CFAP210: variants seen among roughly 807,000 people sequenced by gnomAD.
The protein encoded by CFAP210 is cilia and flagella associated protein 210.
the CFAP210 span, chr2:169,675,172 G>A: frequency 1.4e-6 from 1 of 708,968 alleles, no homozygotes; most frequent in Non-Finnish European, 2.1e-6. Flanking sequence ...TAAATAAAAT[G>A]AGGCTACACT....
the CFAP210 span, among the ~76,000 whole-genome samples, chr2:169,667,207 C>T: frequency 2.0e-5 from 3 of 150,080 alleles, no homozygotes; most frequent in East Asian, 2.0e-4. Flanking sequence ...GGCGCAATCT[C>T]GGCTCACTGC....
At chr2:169,694,377 C>T in the CFAP210 span, 2 of 1,581,692 alleles carry the variant, frequency 1.3e-6, no homozygotes, top group Admixed American at 3.4e-5. Context: ...GCCGCGGACG[C>T]CAGCCGGTGG....
the CFAP210 span, among the ~76,000 whole-genome samples, chr2:169,664,918 A>G: frequency 6.6e-6 from 1 of 152,250 alleles, no homozygotes; most frequent in Non-Finnish European, 1.5e-5. Context: ...TGTAAAAGCA[A>G]GAAAGACCAC....
chr2:169,693,929 C>G, the CFAP210 span, among the ~76,000 whole-genome samples: 1 of 151,872 alleles, frequency 6.6e-6, no homozygotes, highest in Non-Finnish European at 1.5e-5. Context: ...GGAAATTTAA[C>G]AAAACCCAGA....
the CFAP210 span, chr2:169,648,108 AGT>A: frequency 6.1e-6 from 1 of 163,922 alleles, no homozygotes; most frequent in African/African-American, 2.6e-5. Context: ...CTGAGCCGAG[AGT>A]GGGTATCATG....
At chr2:169,670,551 C>G in the CFAP210 span, among the ~76,000 whole-genome samples, 3 of 152,188 alleles carry the variant, frequency 2.0e-5, no homozygotes, top group Non-Finnish European at 2.9e-5. Context: ...CTGGGAGTGA[C>G]TTAGTTGGAT....
chr2:169,664,588 T>C, the CFAP210 span, among the ~76,000 whole-genome samples: 2 of 152,244 alleles, frequency 1.3e-5, no homozygotes, highest in African/African-American at 4.8e-5. Context: ...TTTGGTTTAA[T>C]GCAAAGTTAA....
chr2:169,681,443 C>T, the CFAP210 span: 1 of 565,842 alleles, frequency 1.8e-6, no homozygotes, highest in Non-Finnish European at 3.1e-6. Context: ...TGCTTAATCA[C>T]TTCCTTACTG....
the CFAP210 span, chr2:169,659,288 C>G: frequency 6.6e-6 from 1 of 152,168 alleles, no homozygotes; most frequent in Non-Finnish European, 1.5e-5. Flanking sequence ...CTGTATTAGT[C>G]CATTCTCAAA....
At chr2:169,672,834 T>C in the CFAP210 span, among the ~76,000 whole-genome samples, 2 of 152,060 alleles carry the variant, frequency 1.3e-5, no homozygotes, top group African/African-American at 4.8e-5. Flanking sequence ...AAACGACACT[T>C]TACCAGCCAT....
the CFAP210 span, chr2:169,662,385 T>C: frequency 6.2e-7 from 1 of 1,602,328 alleles, no homozygotes; most frequent in Admixed American, 1.7e-5. Context: ...CCTCAGCATC[T>C]TTTTCTTCAT....
the CFAP210 span, among the ~76,000 whole-genome samples, chr2:169,675,558 G>C: frequency 6.6e-6 from 1 of 152,102 alleles, no homozygotes; most frequent in South Asian, 2.1e-4. Context: ...TCACTATTTC[G>C]AGGACAGTAC....
chr2:169,691,026 C>A, the CFAP210 span, among the ~76,000 whole-genome samples: 1 of 152,150 alleles, frequency 6.6e-6, no homozygotes, highest in African/African-American at 2.4e-5. Context: ...ACTCGAGTTA[C>A]ATTTATGTTG....
chr2:169,666,274 T>C, the CFAP210 span, among the ~76,000 whole-genome samples: 4 of 151,852 alleles, frequency 2.6e-5, no homozygotes, highest in Non-Finnish European at 5.9e-5. Flanking sequence ...CTAGTATTTA[T>C]TGAATTTCTA....
the CFAP210 span, among the ~76,000 whole-genome samples, chr2:169,678,754 G>A: frequency 3.6e-4 from 54 of 151,648 alleles, no homozygotes; most frequent in Non-Finnish European, 6.8e-4. Context: ...GAACCCGGGA[G>A]GTGGAGGTTG....
At chr2:169,694,171 A>G in the CFAP210 span, 17 of 1,271,714 alleles carry the variant, frequency 1.3e-5, no homozygotes, top group Non-Finnish European at 1.7e-5. Context: ...TCAAAAGGCA[A>G]CTGAAGCCCT....
At chr2:169,694,253 T>A in the CFAP210 span, 2 of 1,613,958 alleles carry the variant, frequency 1.2e-6, no homozygotes, top group Non-Finnish European at 1.7e-6. Flanking sequence ...TAGGTCAGTT[T>A]AGCTCACCTG....
At chr2:169,649,393 C>G in the CFAP210 span, 1 of 1,529,066 alleles carries the variant, frequency 6.5e-7, no homozygotes, top group Non-Finnish European at 8.9e-7. Flanking sequence ...GTTATAGCAA[C>G]CAGTCTTGTC....
chr2:169,665,986 C>T, the CFAP210 span, among the ~76,000 whole-genome samples: 11 of 152,060 alleles, frequency 7.2e-5, no homozygotes, highest in Non-Finnish European at 1.5e-4. Context: ...TGCTTGACCT[C>T]CCCAAACTGC....
Sources: gnomAD v4.1 joint callset for allele counts (sites outside exome capture counted in the v4.1 genomes callset) on GRCh38, gnomAD v4.1.1 for gene constraint, MANE v1.5 for transcripts, NCBI Gene and HGNC (gene_info 2026-07-23, HGNC 2026-07-21) for gene names.